FOXO3: variants seen among roughly 807,000 people sequenced by gnomAD.
FOXO3 encodes forkhead box O3, also known as forkhead box protein O3.
Under a neutral mutation model 41.9 loss-of-function variants are expected in FOXO3, and 4 were observed. That is an observed-to-expected ratio of 0.10 (90% CI 0.05 to 0.22). FOXO3 has a LOEUF of 0.22. Ranked by LOEUF, FOXO3 falls within the 10% of genes least tolerant of loss-of-function variation. FOXO3 has a pLI of 1.00. For missense variants in FOXO3, 534 were observed against 906.8 expected, an observed-to-expected ratio of 0.59 and a Z score of 5.28; for synonymous variants, 318 against 389.3, an observed-to-expected ratio of 0.82 and a Z score of 2.16.
At chr6:108,661,409 G>A (rs1359280177) in intron 1 of FOXO3, among the ~76,000 whole-genome samples, 4 of 151,844 alleles carry the variant, frequency 2.6e-5, no homozygotes, top group African/African-American at 7.3e-5. Context: ...TGTCTTTAAC[G>A]TGCAAATAAA....
intron 1 of FOXO3, among the ~76,000 whole-genome samples, chr6:108,618,800 A>G (rs1582784782): frequency 6.6e-6 from 1 of 151,742 alleles, no homozygotes; most frequent in South Asian, 2.1e-4. Context: ...CTAGGAACCG[A>G]CCCTTTTGTG....
At chr6:108,647,764 T>C (rs1265111593) in intron 1 of FOXO3, among the ~76,000 whole-genome samples, 1 of 152,192 alleles carries the variant, frequency 6.6e-6, no homozygotes, top group Non-Finnish European at 1.5e-5. Context: ...ATTTCCTCTT[T>C]ACAAAACTGT....
At chr6:108,606,660 C>T (rs955948632) in intron 1 of FOXO3, among the ~76,000 whole-genome samples, 1 of 152,250 alleles carries the variant, frequency 6.6e-6, no homozygotes, top group Non-Finnish European at 1.5e-5. Flanking sequence ...AACTGACAAA[C>T]TTTTCTAGTC....
intron 1 of FOXO3, among the ~76,000 whole-genome samples, chr6:108,640,974 C>T (rs989888019): frequency 3.9e-5 from 6 of 152,038 alleles, no homozygotes; most frequent in South Asian, 2.1e-4. Flanking sequence ...AGTGCAATGG[C>T]GCAATCTTGG....
chr6:108,565,428 G>A (rs1035018219), intron 1 of FOXO3, among the ~76,000 whole-genome samples: 5 of 152,192 alleles, frequency 3.3e-5, no homozygotes, highest in Admixed American at 3.3e-4. Flanking sequence ...ACCCATGATT[G>A]AACAAGTGAG....
chr6:108,676,727 G>A (rs1440113516), intron 2 of FOXO3, among the ~76,000 whole-genome samples: 1 of 152,144 alleles, frequency 6.6e-6, no homozygotes, highest in Non-Finnish European at 1.5e-5. Context: ...TCAGTAGCTG[G>A]GTTTCATCAC....
At chr6:108,584,218 T>C (rs1048601506) in intron 1 of FOXO3, among the ~76,000 whole-genome samples, 1 of 152,200 alleles carries the variant, frequency 6.6e-6, no homozygotes, top group Non-Finnish European at 1.5e-5. Flanking sequence ...AAGTTGTTTT[T>C]CTTGGGAGAT....
In FOXO3 at chr6:108,664,246, G is replaced by A; in HGVS notation, c.1413G>A (p.Gln471=). 1.9e-6 allele frequency: 3 copies of A among 1,609,554 alleles called. No individual in the cohort carries two copies. In the South Asian group the frequency reaches 3.3e-5, roughly 18 times the overall value. Residue 471 remains glutamine, a synonymous_variant, in exon 2 of 3, where the codon CAG becomes CAA. Coordinates refer to ENST00000406360, the MANE Select transcript of FOXO3 (RefSeq NM_001455.4). The stretch of plus-strand genomic sequence containing the variant: ...CACACTATGGTAACCAGACACTCCA[G>A]GACCTGCTCACTTCGGACTCACTTA... ...SMSHYGNQTL[Q]DLLTSDSLSH...
intron 1 of FOXO3, among the ~76,000 whole-genome samples, chr6:108,655,561 A>G (rs1778660819): frequency 6.6e-6 from 1 of 152,144 alleles, no homozygotes; most frequent in South Asian, 2.1e-4. Flanking sequence ...TCCAGGCCTT[A>G]CCCCATCTAT....
At chr6:108,607,054 T>C (rs1440049991) in intron 1 of FOXO3, among the ~76,000 whole-genome samples, 1 of 152,258 alleles carries the variant, frequency 6.6e-6, no homozygotes, top group Non-Finnish European at 1.5e-5. Context: ...AATTTAGAAC[T>C]CATAGACTTT....
At chr6:108,620,265 A>G (rs17069665) in intron 1 of FOXO3, among the ~76,000 whole-genome samples, 20,478 of 152,188 alleles carry the variant, frequency 0.13, 1,477 homozygotes, top group African/African-American at 0.19. Flanking sequence ...ACGTGGTTTC[A>G]TGTGCCTTTT....
chr6:108,592,803 CAG>C (rs1168337751), intron 1 of FOXO3, among the ~76,000 whole-genome samples: 6 of 152,180 alleles, frequency 3.9e-5, no homozygotes, highest in African/African-American at 1.4e-4. Context: ...GTTGTGGTTT[CAG>C]AGTCTCTGAG....
At chr6:108,644,897 G>A (rs1778352999) in intron 1 of FOXO3, among the ~76,000 whole-genome samples, 1 of 152,176 alleles carries the variant, frequency 6.6e-6, no homozygotes, top group African/African-American at 2.4e-5. Context: ...TTTAATTAAT[G>A]TCTGTCCCTT....
chr6:108,563,493 G>A (rs886512322), intron 1 of FOXO3, among the ~76,000 whole-genome samples: 1 of 152,208 alleles, frequency 6.6e-6, no homozygotes, highest in African/African-American at 2.4e-5. Flanking sequence ...CAAGTGGATG[G>A]GAAGGGTTAA....
At position 108,664,346 on chromosome 6, in the gene FOXO3, T is replaced by C. The variant is rs754727965; in HGVS notation, c.1513T>C (p.Ser505Pro). 1.9e-5 allele frequency: 30 copies of C among 1,609,940 alleles called. No individual in the cohort carries two copies. Among genetic ancestry groups the C allele is most frequent in the Non-Finnish European group, 1.4e-5 (16 of 1,176,982 alleles). Residue 505 changes from serine (S) to proline (P), a missense_variant, in exon 2 of 3, where the codon TCC (serine) becomes CCC (proline). Physicochemically the swap from Ser to Pro is moderately conservative, Grantham distance 74. This residue lies in a region of FOXO3 where 94 missense variants were observed against 214.4 expected (regional missense o/e 0.44). Coordinates refer to ENST00000406360, the MANE Select transcript of FOXO3 (RefSeq NM_001455.4). The part of the protein sequence containing the change: ...QASTAVSAQN[S>P]RRNVMLRNDP... ...CAGCACCGCTGTGTCTGCCCAGAATTCCCGCCGGAACGTGATGCTTCGCAA... is the reference window on the plus strand; with the variant it reads ...CAGCACCGCTGTGTCTGCCCAGAATCCCCGCCGGAACGTGATGCTTCGCAA...
At position 108,561,052 on chromosome 6, in the gene FOXO3, A is replaced by T. The variant is rs1775767371; in HGVS notation, c.-157A>T. ...GACGGGGCTCCGGCCCGGGATAACCAACTCTCCTTCTCTCTTCTTTGGTGC... is the reference window on the plus strand; with the variant it reads ...GACGGGGCTCCGGCCCGGGATAACCTACTCTCCTTCTCTCTTCTTTGGTGC... On this transcript the variant is annotated 5_prime_UTR_variant, in exon 1 of 3. Transcript: ENST00000406360. 7.1e-7 allele frequency: 1 copy of T among 1,408,858 alleles called. No homozygotes were observed. The highest frequency in any genetic ancestry group is 3.0e-5 in the East Asian group (1 of 33,020). The allele number at this position is 1,408,858 out of a possible 1,614,324, so 87.3% of individuals were successfully genotyped here.
chr6:108,609,626 C>T (rs1047793262), intron 1 of FOXO3, among the ~76,000 whole-genome samples: 2 of 152,162 alleles, frequency 1.3e-5, no homozygotes, highest in Admixed American at 6.5e-5. Flanking sequence ...GTTTGTTTCT[C>T]GCTGCATCTC....
At chr6:108,645,041 G>A (rs775636648) in intron 1 of FOXO3, among the ~76,000 whole-genome samples, 8 of 152,120 alleles carry the variant, frequency 5.3e-5, no homozygotes, top group South Asian at 2.1e-4. Context: ...CTGAACCTGC[G>A]GCCTCTCCAG....
chr6:108,631,012 C>T (rs2128375933), intron 1 of FOXO3, among the ~76,000 whole-genome samples: 1 of 152,138 alleles, frequency 6.6e-6, no homozygotes, highest in African/African-American at 2.4e-5. Context: ...AATGTCTAAG[C>T]CTATTTATTG....
Sources: allele counts gnomAD v4.1 joint callset (sites outside exome capture counted in the v4.1 genomes callset), GRCh38; gene constraint gnomAD v4.1.1; regional missense constraint gnomAD v4.1.1; transcripts MANE v1.5; gene names NCBI Gene and HGNC (gene_info 2026-07-23, HGNC 2026-07-21).